Variants in SLC2A14 observed in about 807,000 individuals in gnomAD.
SLC2A14 encodes the protein solute carrier family 2, facilitated glucose transporter member 14.
Under a neutral mutation model 43.0 loss-of-function variants are expected in SLC2A14, and 13 were observed. The ratio of observed to expected loss-of-function variants is 0.30; its 90% CI spans 0.20 to 0.48. The LOEUF (loss-of-function observed/expected upper bound fraction) is 0.48, where lower values mean the gene tolerates loss of function less well. Among genes scored for constraint, SLC2A14 ranks in the 20% least tolerant of loss-of-function variants. SLC2A14 has a pLI of 0.99. For synonymous variants in SLC2A14, 190 were observed against 233.8 expected, an observed-to-expected ratio of 0.81 and a Z score of 1.71; for missense variants, 428 against 620.4, an observed-to-expected ratio of 0.69 and a Z score of 3.29.
chr12:7,866,766 T>A (rs910459715), intron 2 of SLC2A14, among the ~76,000 whole-genome samples: 1 of 152,176 alleles, frequency 6.6e-6, no homozygotes, highest in Non-Finnish European at 1.5e-5. Context: ...GGAAAGAAGC[T>A]GTCCCTATAA....
At chr12:7,854,031 A>T (rs112706938) in intron 2 of SLC2A14, among the ~76,000 whole-genome samples, 1 of 152,126 alleles carries the variant, frequency 6.6e-6, no homozygotes, top group Non-Finnish European at 1.5e-5. Flanking sequence ...AAGTTTTTCA[A>T]TGATGGCTTT....
chr12:7,830,099 C>A, intron 4 of SLC2A14, 93 bp from the exon 5 acceptor site: 1 of 1,470,280 alleles, frequency 6.8e-7, no homozygotes, highest in Non-Finnish European at 9.2e-7. Context: ...CTTCTCCAGG[C>A]TTATATCAAC....
chr12:7,817,017 A>G (rs1359816572), intron 10 of SLC2A14, among the ~76,000 whole-genome samples: 2 of 152,016 alleles, frequency 1.3e-5, no homozygotes, highest in Admixed American at 6.6e-5. Context: ...TGCAATTTAA[A>G]ACTTATGATT....
At chr12:7,850,343 C>T (rs188321863) in intron 2 of SLC2A14, among the ~76,000 whole-genome samples, 3 of 152,230 alleles carry the variant, frequency 2.0e-5, no homozygotes, top group African/African-American at 7.2e-5. Flanking sequence ...CTTTGAATAC[C>T]AGTAGTTCTA....
chr12:7,826,861 T>TTCCTTCC lies in SLC2A14; in HGVS notation c.864+633_864+634insGGAAGGA, dbSNP rs1555121671. Among the ~76,000 whole-genome samples the TTCCTTCC allele has an allele frequency of 8.2e-3, 496 of 60,320 alleles. 70 individuals carry two copies. Among genetic ancestry groups the TTCCTTCC allele is most frequent in the Non-Finnish European group, 9.6e-3 (300 of 31,290 alleles). 39.6% of individuals were successfully genotyped at this position (60,320 alleles called of 152,430 possible). On this transcript the variant is annotated intron_variant, in intron 7 of 10. Transcript: ENST00000431042. ...TCCTTCCTTCCTTCCTTCCTTTCTTTTTTCTTTCTTTCTTTCTTTCTTTCT... is the reference window on the plus strand; with the variant it reads ...TCCTTCCTTCCTTCCTTCCTTTCTTTTCCTTCCTTTCTTTCTTTCTTTCTTTCTTTCT...
At chr12:7,882,567 TCA>T (rs1945604410) in intron 1 of SLC2A14, among the ~76,000 whole-genome samples, 1 of 152,062 alleles carries the variant, frequency 6.6e-6, no homozygotes, top group Non-Finnish European at 1.5e-5. Context: ...CGGCAGTGGC[TCA>T]CACTTGTGAT....
At chr12:7,825,479 G>A (rs1378903320) in intron 7 of SLC2A14, among the ~76,000 whole-genome samples, 6 of 109,952 alleles carry the variant, frequency 5.5e-5, no homozygotes, top group African/African-American at 1.7e-4. Context: ...AAAAGAAAGA[G>A]CAAGCCAGGC....
intron 1 of SLC2A14, 34 bp downstream of exon 1, chr12:7,872,772 AC>A: frequency 4.1e-6 from 4 of 981,622 alleles, no homozygotes; most frequent in Non-Finnish European, 3.6e-6. Context: ...TCATTCCCGC[AC>A]CCCCCGGCCG....
At chr12:7,845,635 C>T (rs1281166898) in intron 2 of SLC2A14, among the ~76,000 whole-genome samples, 2 of 151,470 alleles carry the variant, frequency 1.3e-5, no homozygotes, top group African/African-American at 4.9e-5. Context: ...AAAAATTAGC[C>T]GGGCGTGGTG....
intron 1 of SLC2A14, chr12:7,872,007 T>C (rs1945261278): frequency 3.3e-6 from 2 of 599,342 alleles, no homozygotes; most frequent in South Asian, 1.5e-4. Context: ...GTACTATTTA[T>C]TTATCTGTAA....
At chr12:7,881,276 G>T (rs1945565614) in intron 1 of SLC2A14, among the ~76,000 whole-genome samples, 1 of 152,192 alleles carries the variant, frequency 6.6e-6, no homozygotes, top group African/African-American at 2.4e-5. Context: ...GGGAGGTGTG[G>T]AGGGAGAGGC....
Position 7,882,404 on chromosome 12 carries a change from CACTA to C in SLC2A14, c.132+8588_132+8591del, listed in dbSNP as rs765790758. 1.4e-3 allele frequency among the ~76,000 whole-genome samples: 210 copies of C among 152,200 alleles called. 1 individual carries two copies. Among genetic ancestry groups the C allele is most frequent in the African/African-American group, 4.8e-3 (201 of 41,526 alleles). On this transcript the variant is annotated intron_variant, in intron 1 of 9. Transcript: ENST00000539924. ...GATGCGCCACATTTAAGAGCTGTAA[CACTA>C]ACCGCGAGGGTCCATGGCTTCATTC...
chr12:7,861,930 C>G lies in SLC2A14; in HGVS notation c.18+7933G>C, dbSNP rs187956265. 2.3e-3 allele frequency among the ~76,000 whole-genome samples: 351 copies of G among 150,436 alleles called. 4 individuals carry two copies. The highest frequency in any genetic ancestry group is 8.3e-3 in the African/African-American group (337 of 40,786). On this transcript the variant is annotated intron_variant, in intron 2 of 10. Transcript: ENST00000431042. ...TGAGCTGAGATTACGCCACTGCACTCCAGCCTGGGCGACAGAGCGAGACTC... is the reference window on the plus strand; with the variant it reads ...TGAGCTGAGATTACGCCACTGCACTGCAGCCTGGGCGACAGAGCGAGACTC...
rs910895225 is a variant in SLC2A14, at chr12:7,882,884, C to A, written c.132+8112G>T. Among the ~76,000 whole-genome samples the A allele has an allele frequency of 3.2e-4, 21 of 64,990 alleles. 1 individual carries two copies. Among genetic ancestry groups the A allele is most frequent in the Non-Finnish European group, 5.9e-4 (14 of 23,716 alleles). 42.6% of individuals were successfully genotyped at this position (64,990 alleles called of 152,430 possible). A position where few individuals can be genotyped will look rare whatever the true frequency, so the allele number is the denominator to read the frequency against. On this transcript the variant is annotated intron_variant, in intron 1 of 9. Transcript: ENST00000539924. The stretch of plus-strand genomic sequence containing the variant: ...ACCACTTGGAAGTTGTTTCTCAATT[C>A]AAGTTTAAAAAAAAAAAAGGACTAA...
At chr12:7,874,751 A>G (rs1945388529), upstream of SLC2A14, among the ~76,000 whole-genome samples, 1 of 92,702 alleles carries the variant, frequency 1.1e-5, no homozygotes, top group Admixed American at 1.4e-4. Context: ...ATATATATAA[A>G]TATTTATATA....
chr12:7,864,930 A>G (rs1944826632), intron 2 of SLC2A14, among the ~76,000 whole-genome samples: 1 of 152,080 alleles, frequency 6.6e-6, no homozygotes, highest in African/African-American at 2.4e-5. Flanking sequence ...TTTCTGCTCA[A>G]ATTTACCGTA....
chr12:7,851,980 A>G (rs7135876), intron 2 of SLC2A14, among the ~76,000 whole-genome samples: 1 of 152,138 alleles, frequency 6.6e-6, no homozygotes, highest in Non-Finnish European at 1.5e-5. Flanking sequence ...TTCTGCCCCC[A>G]TCTCTCTCAC....
In SLC2A14 at chr12:7,823,780, A is replaced by AGACCTCAAG. The variant is rs1473266404; in HGVS notation, c.865-2456_865-2455insCTTGAGGTC. 9.9e-5 allele frequency among the ~76,000 whole-genome samples: 15 copies of AGACCTCAAG among 152,202 alleles called. No homozygotes were observed. In the East Asian group the frequency reaches 2.5e-3, roughly 25 times the overall value. ...TCAGACCTCAAGTTAACAAGGGAAC[A>AGACCTCAAG]TTATCTAGGTTACCCAGGTTCACTT... On this transcript the variant is annotated intron_variant, in intron 7 of 10. Coordinates refer to ENST00000431042, the MANE Select transcript of SLC2A14 (RefSeq NM_001286234.2).
intron 2 of SLC2A14, among the ~76,000 whole-genome samples, chr12:7,854,808 T>C (rs1316231104): frequency 1.3e-5 from 2 of 151,440 alleles, no homozygotes; most frequent in African/African-American, 2.4e-5. Flanking sequence ...TCTCACTTTA[T>C]TATTTTATTT....
Sources: gnomAD v4.1 joint callset for allele counts (sites outside exome capture counted in the v4.1 genomes callset) on GRCh38, gnomAD v4.1.1 for gene constraint, MANE v1.5 for transcripts, NCBI Gene and HGNC (gene_info 2026-07-23, HGNC 2026-07-21) for gene names.